ACAP2: variants seen among roughly 807,000 people sequenced by gnomAD.
ACAP2 encodes the protein arf-GAP with coiled-coil, ANK repeat and PH domain-containing protein 2.
In ACAP2, 39 loss-of-function variants were observed where a neutral mutation model predicts 115.8. The observed-to-expected ratio is 0.34, with a 90% CI of 0.26 to 0.44. ACAP2 has a LOEUF of 0.44. ACAP2 is among the 20% of genes least tolerant of loss of function. The probability of loss-of-function intolerance (pLI) is 1.00; values close to 1 mark genes in which losing one functional copy is unlikely to be tolerated. For missense variants in ACAP2, 662 were observed against 927.6 expected (o/e 0.71, Z 3.72); for synonymous variants, 289 against 315.8 (o/e 0.92, Z 0.90).
At chr3:195,380,879 C>T in intron 4 of ACAP2, 130 bp downstream of exon 4, 1 of 755,622 alleles carries the variant, frequency 1.3e-6, no homozygotes, top group East Asian at 2.7e-5. Flanking sequence ...TTTAGATTCA[C>T]CCAGCTAAAA....
At chr3:195,430,818 A>G (rs1354590232) in intron 1 of ACAP2, among the ~76,000 whole-genome samples, 2 of 152,240 alleles carry the variant, frequency 1.3e-5, no homozygotes, top group African/African-American at 4.8e-5. Context: ...TGGAGGCTCA[A>G]CATGTATTTT....
intron 3 of ACAP2, among the ~76,000 whole-genome samples, chr3:195,381,656 T>C (rs1380512447): frequency 6.6e-6 from 1 of 152,020 alleles, no homozygotes; most frequent in African/African-American, 2.4e-5. Flanking sequence ...GCAAGTAAAC[T>C]TAATAAACTA....
intron 15 of ACAP2, among the ~76,000 whole-genome samples, chr3:195,300,307 A>G (rs932864482): frequency 6.6e-6 from 1 of 152,152 alleles, no homozygotes; most frequent in Non-Finnish European, 1.5e-5. Flanking sequence ...GGCCTCCCAA[A>G]GTGCTGGGAT....
At chr3:195,372,316 T>C (rs1733206316) in intron 4 of ACAP2, among the ~76,000 whole-genome samples, 1 of 152,178 alleles carries the variant, frequency 6.6e-6, no homozygotes, top group Non-Finnish European at 1.5e-5. Flanking sequence ...AACACATGCA[T>C]AATGACTAAT....
At chr3:195,411,037 T>C (rs1332296140) in intron 1 of ACAP2, 12 of 373,674 alleles carry the variant, frequency 3.2e-5, no homozygotes, top group South Asian at 2.2e-4. Flanking sequence ...GTATTATTTA[T>C]AAATTATCTA....
chr3:195,293,337 G>C (rs1727393907), intron 18 of ACAP2, among the ~76,000 whole-genome samples: 1 of 152,118 alleles, frequency 6.6e-6, no homozygotes, highest in Non-Finnish European at 1.5e-5. Context: ...TACTCTGCAG[G>C]ACCAAAATCA....
At position 195,325,737 on chromosome 3, in the gene ACAP2, T is replaced by C. The variant is rs533145914; in HGVS notation, c.744+1148A>G. On this transcript the variant is annotated intron_variant, in intron 9 of 22. Coordinates refer to ENST00000326793, the MANE Select transcript of ACAP2 (RefSeq NM_012287.6). Reference sequence around the variant, plus strand: ...GATATCTCATTTTAATTAAAAACAATTGGTCCCAATTTTTAGCAATCTTTT... The same window carrying C: ...GATATCTCATTTTAATTAAAAACAACTGGTCCCAATTTTTAGCAATCTTTT... Among the ~76,000 whole-genome samples the C allele has an allele frequency of 2.6e-5, 4 of 152,228 alleles. No homozygotes were observed. In the South Asian group the frequency reaches 6.2e-4, roughly 24 times the overall value.
chr3:195,348,330 AC>A (rs60767217), intron 4 of ACAP2, among the ~76,000 whole-genome samples: 68,066 of 151,376 alleles, frequency 0.45, 16,995 homozygotes, highest in Middle Eastern at 0.67. Context: ...CAAAGAAAAT[AC>A]ATTAAAAATT....
At chr3:195,285,889 C>T (rs1167079557) in intron 21 of ACAP2, 32 bp from the exon 22 acceptor site, 16 of 1,471,310 alleles carry the variant, frequency 1.1e-5, no homozygotes, top group Non-Finnish European at 1.5e-5. Flanking sequence ...TTTTAGATGA[C>T]ATTATATAAT....
At chr3:195,305,271 A>G (rs1728347653) in intron 13 of ACAP2, among the ~76,000 whole-genome samples, 2 of 152,236 alleles carry the variant, frequency 1.3e-5, no homozygotes, top group Admixed American at 1.3e-4. Flanking sequence ...TAAGAAAATC[A>G]TAATACCAAT....
At chr3:195,429,630 T>G (rs1468898344) in intron 1 of ACAP2, among the ~76,000 whole-genome samples, 1 of 152,144 alleles carries the variant, frequency 6.6e-6, no homozygotes, top group African/African-American at 2.4e-5. Context: ...GACAGAGGTG[T>G]AGGTGACGGG....
At chr3:195,395,938 T>A (rs113610849) in intron 1 of ACAP2, among the ~76,000 whole-genome samples, 1 of 152,130 alleles carries the variant, frequency 6.6e-6, no homozygotes, top group East Asian at 1.9e-4. Flanking sequence ...AATTGAAAAA[T>A]AGTTACCTAA....
At chr3:195,301,847 A>C (rs546504442) in intron 14 of ACAP2, 119 bp downstream of exon 14, 149 of 1,302,554 alleles carry the variant, frequency 1.1e-4, no homozygotes, top group Non-Finnish European at 1.5e-4. Flanking sequence ...AAAAGGTACA[A>C]AGATACAAAC....
chr3:195,289,973 A>C (rs1727131428), intron 20 of ACAP2, among the ~76,000 whole-genome samples: 1 of 152,160 alleles, frequency 6.6e-6, no homozygotes, highest in Admixed American at 6.5e-5. Flanking sequence ...TGCTTGCTGT[A>C]CTTGCAAATA....
chr3:195,401,476 C>A (rs867365133), intron 1 of ACAP2, among the ~76,000 whole-genome samples: 17 of 152,060 alleles, frequency 1.1e-4, no homozygotes, highest in Admixed American at 3.9e-4. Context: ...ACCAGTCTGA[C>A]CAACGCAGTG....
intron 9 of ACAP2, among the ~76,000 whole-genome samples, chr3:195,323,495 T>G (rs1166229976): frequency 6.6e-6 from 1 of 152,090 alleles, no homozygotes; most frequent in Non-Finnish European, 1.5e-5. Flanking sequence ...AGAAAAATCA[T>G]AAAACTTTAT....
At chr3:195,360,611 A>G in intron 4 of ACAP2, among the ~76,000 whole-genome samples, 1 of 152,200 alleles carries the variant, frequency 6.6e-6, no homozygotes, top group South Asian at 2.1e-4. Context: ...CCTGGCCAAC[A>G]TGGTGAAACC....
chr3:195,440,588 A>C (rs934184887), intron 1 of ACAP2, among the ~76,000 whole-genome samples: 1 of 152,240 alleles, frequency 6.6e-6, no homozygotes, highest in South Asian at 2.1e-4. Flanking sequence ...AAACAAGCCC[A>C]GGCCTCACAA....
chr3:195,325,565 T>C (rs985192263), intron 9 of ACAP2: 25 of 388,084 alleles, frequency 6.4e-5, no homozygotes, highest in South Asian at 2.3e-4. Flanking sequence ...ATCAAATAAA[T>C]TATTCTTAGA....
Sources: allele counts gnomAD v4.1 joint callset (sites outside exome capture counted in the v4.1 genomes callset), GRCh38; gene constraint gnomAD v4.1.1; transcripts MANE v1.5; gene names NCBI Gene and HGNC (gene_info 2026-07-23, HGNC 2026-07-21).